NMNAT2: variants seen among roughly 807,000 people sequenced by gnomAD.
NMNAT2 encodes the protein nicotinamide/nicotinic acid mononucleotide adenylyltransferase 2.
Under a neutral mutation model 41.6 loss-of-function variants are expected in NMNAT2, and 11 were observed. The ratio of observed to expected loss-of-function variants is 0.26; its 90% CI spans 0.17 to 0.44. The LOEUF is 0.44. NMNAT2 is among the 20% of genes least tolerant of loss of function. The pLI is 1.00. For synonymous variants in NMNAT2, 148 were observed against 151.2 expected (o/e 0.98, Z 0.16); for missense variants, 288 against 407.7 (o/e 0.71, Z 2.53).
chr1:183,258,380 G>A (rs1660571938), intron 10 of NMNAT2, among the ~76,000 whole-genome samples: 1 of 152,142 alleles, frequency 6.6e-6, no homozygotes, highest in African/African-American at 2.4e-5. Flanking sequence ...AACCACCTTT[G>A]CAAAATTATG....
intron 1 of NMNAT2, among the ~76,000 whole-genome samples, chr1:183,336,675 A>G (rs1180556588): frequency 6.6e-6 from 1 of 152,238 alleles, no homozygotes; most frequent in African/African-American, 2.4e-5. Context: ...AGTTAAACAA[A>G]CACCAGATGA....
chr1:183,318,132 A>G (rs1173584684), intron 1 of NMNAT2, among the ~76,000 whole-genome samples: 2 of 152,138 alleles, frequency 1.3e-5, no homozygotes, highest in African/African-American at 2.4e-5. Flanking sequence ...CACAGTGGGA[A>G]ATTGGGCTTC....
chr1:183,391,623 A>C (rs1009050738), intron 1 of NMNAT2, among the ~76,000 whole-genome samples: 2 of 152,106 alleles, frequency 1.3e-5, no homozygotes, highest in African/African-American at 4.8e-5. Flanking sequence ...AATACTCCTC[A>C]AAAGAATGTT....
At chr1:183,305,183 A>C (rs1661967170) in intron 1 of NMNAT2, among the ~76,000 whole-genome samples, 1 of 151,916 alleles carries the variant, frequency 6.6e-6, no homozygotes, top group Admixed American at 6.6e-5. Context: ...CAAACTAAAT[A>C]TATATGTAAA....
At chr1:183,338,777 A>G (rs1662732658) in intron 1 of NMNAT2, among the ~76,000 whole-genome samples, 1 of 152,188 alleles carries the variant, frequency 6.6e-6, no homozygotes, top group Admixed American at 6.5e-5. Flanking sequence ...TCAGGAGGCT[A>G]CAGAGGAGGA....
At chr1:183,256,632 G>A (rs1660522163) in intron 10 of NMNAT2, among the ~76,000 whole-genome samples, 1 of 152,196 alleles carries the variant, frequency 6.6e-6, no homozygotes, top group Admixed American at 6.5e-5. Context: ...CCAGCCTTGT[G>A]TGCCAGGGAT....
At chr1:183,295,336 T>TA (rs902942354) in intron 1 of NMNAT2, among the ~76,000 whole-genome samples, 87 of 149,618 alleles carry the variant, frequency 5.8e-4, no homozygotes, top group African/African-American at 1.8e-3. Flanking sequence ...TTTCTTAGAT[T>TA]AAAAAAAAAA....
intron 1 of NMNAT2, among the ~76,000 whole-genome samples, chr1:183,396,673 A>G (rs991918779): frequency 6.6e-6 from 1 of 152,172 alleles, no homozygotes; most frequent in African/African-American, 2.4e-5. Flanking sequence ...GCATGCCAAC[A>G]TATAAAACCC....
intron 1 of NMNAT2, among the ~76,000 whole-genome samples, chr1:183,417,736 C>G (rs781207281): frequency 3.9e-5 from 6 of 152,160 alleles, no homozygotes; most frequent in African/African-American, 7.2e-5. Flanking sequence ...CAGGCACATA[C>G]ATGATTTAAC....
intron 1 of NMNAT2, among the ~76,000 whole-genome samples, chr1:183,331,912 T>C (rs905778468): frequency 3.3e-5 from 5 of 152,220 alleles, no homozygotes; most frequent in African/African-American, 9.6e-5. Context: ...CTCAGCCTCA[T>C]AGCTGGGATT....
intron 1 of NMNAT2, among the ~76,000 whole-genome samples, chr1:183,316,576 C>T (rs781005429): frequency 9.9e-5 from 15 of 152,204 alleles, no homozygotes; most frequent in East Asian, 1.9e-4. Context: ...GCCAGCCCCC[C>T]ACCAGGCACC....
intron 1 of NMNAT2, among the ~76,000 whole-genome samples, chr1:183,370,917 G>T (rs1266884973): frequency 6.6e-6 from 1 of 152,208 alleles, no homozygotes; most frequent in Non-Finnish European, 1.5e-5. Flanking sequence ...GAGGGTTGAG[G>T]ATGCTGGGGA....
intron 1 of NMNAT2, among the ~76,000 whole-genome samples, chr1:183,364,292 C>T (rs1663368857): frequency 6.6e-6 from 1 of 152,200 alleles, no homozygotes; most frequent in Non-Finnish European, 1.5e-5. Context: ...TGTCACATTT[C>T]AATGATTGCT....
At chr1:183,287,097 T>C (rs192472927) in intron 4 of NMNAT2, among the ~76,000 whole-genome samples, 2 of 152,184 alleles carry the variant, frequency 1.3e-5, no homozygotes, top group East Asian at 3.9e-4. Flanking sequence ...AGTCTAACCA[T>C]ATATCTGTCT....
chr1:183,376,792 C>G (rs1663687541), intron 1 of NMNAT2, among the ~76,000 whole-genome samples: 1 of 152,306 alleles, frequency 6.6e-6, no homozygotes, highest in Admixed American at 6.5e-5. Flanking sequence ...GCCCTATCTA[C>G]AGGGGCTCCA....
At chr1:183,258,397 G>C (rs1420016272) in intron 10 of NMNAT2, among the ~76,000 whole-genome samples, 3 of 151,018 alleles carry the variant, frequency 2.0e-5, no homozygotes, top group African/African-American at 2.4e-5. Context: ...TATGACTGAG[G>C]CAGTGAAAGA....
intron 1 of NMNAT2, among the ~76,000 whole-genome samples, chr1:183,309,080 C>A (rs796492269): frequency 1.3e-5 from 2 of 152,108 alleles, no homozygotes; most frequent in African/African-American, 4.8e-5. Context: ...TGCAGTGGTG[C>A]GATCACAGCT....
At chr1:183,311,967 T>C (rs1662133309) in intron 1 of NMNAT2, among the ~76,000 whole-genome samples, 1 of 152,138 alleles carries the variant, frequency 6.6e-6, no homozygotes, top group African/African-American at 2.4e-5. Context: ...GGAGTTTCCC[T>C]GCACAAGCGC....
chr1:183,364,535 G>A (rs922956420), intron 1 of NMNAT2, among the ~76,000 whole-genome samples: 2 of 152,126 alleles, frequency 1.3e-5, no homozygotes, highest in African/African-American at 4.8e-5. Context: ...ATTTGTAAAT[G>A]GTTGTTCTAA....
Sources: gnomAD v4.1 joint callset for allele counts (sites outside exome capture counted in the v4.1 genomes callset) on GRCh38, gnomAD v4.1.1 for gene constraint, MANE v1.5 for transcripts, NCBI Gene and HGNC (gene_info 2026-07-23, HGNC 2026-07-21) for gene names.